Variants in HIP1 observed in about 807,000 individuals in gnomAD.
The protein encoded by HIP1 is huntingtin-interacting protein 1.
Under a neutral mutation model 147.6 loss-of-function variants are expected in HIP1, and 65 were observed. The observed-to-expected ratio is 0.44, with a 90% CI of 0.36 to 0.54. The LOEUF is 0.54. Among genes scored for constraint, HIP1 ranks in the 20% least tolerant of loss-of-function variants. The pLI is 0.00. For synonymous variants in HIP1, 479 were observed against 504.0 expected, an observed-to-expected ratio of 0.95 and a Z score of 0.67; for missense variants, 1,061 against 1,299.6, an observed-to-expected ratio of 0.82 and a Z score of 2.82.
At chr7:75,549,800 T>G (rs11762509) in intron 22 of HIP1, among the ~76,000 whole-genome samples, 132,935 of 150,712 alleles carry the variant, frequency 0.88, 59,326 homozygotes, top group Middle Eastern at 0.96. Context: ...CACCAGAGTA[T>G]CTGGGAGTAC....
chr7:75,639,130 G>T, intron 1 of HIP1: 3 of 984,182 alleles, frequency 3.0e-6, no homozygotes, highest in African/African-American at 1.7e-5. Flanking sequence ...AGCTGCTCCC[G>T]GCTAATCGCG....
At chr7:75,645,190 G>T (rs1798763269) in intron 1 of HIP1, among the ~76,000 whole-genome samples, 1 of 151,868 alleles carries the variant, frequency 6.6e-6, no homozygotes, top group African/African-American at 2.4e-5. Context: ...ACTTTACAAG[G>T]ATTGTTTATT....
At chr7:75,682,369 G>A (rs1046077753) in intron 1 of HIP1, among the ~76,000 whole-genome samples, 9 of 151,398 alleles carry the variant, frequency 5.9e-5, no homozygotes, top group African/African-American at 9.7e-5. Context: ...CGATCCTCCC[G>A]CCTCAGCCTC....
intron 7 of HIP1, among the ~76,000 whole-genome samples, chr7:75,576,049 C>T (rs1156392959): frequency 1.3e-5 from 2 of 152,210 alleles, no homozygotes; most frequent in Non-Finnish European, 2.9e-5. Context: ...GCAGGAACCA[C>T]GGGCTGTTCC....
At chr7:75,542,623 A>C (rs1313905025) in intron 28 of HIP1, among the ~76,000 whole-genome samples, 5 of 151,644 alleles carry the variant, frequency 3.3e-5, no homozygotes, top group African/African-American at 1.2e-4. Flanking sequence ...CGTGTGAACC[A>C]GGGAGGTGGA....
chr7:75,588,907 T>A (rs1159185522), intron 4 of HIP1, among the ~76,000 whole-genome samples: 1 of 151,956 alleles, frequency 6.6e-6, no homozygotes, highest in Non-Finnish European at 1.5e-5. Flanking sequence ...ATCCTAGCAA[T>A]TTGAGAGGCT....
At chr7:75,576,266 A>G (rs1262289855) in intron 7 of HIP1, among the ~76,000 whole-genome samples, 1 of 152,190 alleles carries the variant, frequency 6.6e-6, no homozygotes. Flanking sequence ...AGTGCATGGA[A>G]TTGTGCAGTG....
chr7:75,737,192 C>T (rs2079202), intron 1 of HIP1, among the ~76,000 whole-genome samples: 15,678 of 152,018 alleles, frequency 0.1, 1,074 homozygotes, highest in Middle Eastern at 0.19. Context: ...TCCCAAAGTA[C>T]GGGGATTACA....
intron 1 of HIP1, among the ~76,000 whole-genome samples, chr7:75,670,434 C>G (rs1799698754): frequency 6.6e-6 from 1 of 152,150 alleles, no homozygotes; most frequent in Non-Finnish European, 1.5e-5. Flanking sequence ...GCTGGGATTA[C>G]AGGAGTGGGC....
intron 1 of HIP1, among the ~76,000 whole-genome samples, chr7:75,719,682 A>C (rs1801442181): frequency 6.6e-6 from 1 of 151,964 alleles, no homozygotes; most frequent in Non-Finnish European, 1.5e-5. Flanking sequence ...TGGCCTCCCA[A>C]AGTGCTGGGA....
At chr7:75,549,291 G>T (rs1469936016) in intron 22 of HIP1, among the ~76,000 whole-genome samples, 1 of 151,794 alleles carries the variant, frequency 6.6e-6, no homozygotes, top group African/African-American at 2.4e-5. Context: ...TCCCTTAGTT[G>T]TGCAGTGTCA....
chr7:75,705,303 C>T (rs1246982218), intron 1 of HIP1, among the ~76,000 whole-genome samples: 2 of 151,738 alleles, frequency 1.3e-5, no homozygotes, highest in Admixed American at 6.6e-5. Context: ...CTTATTTTGC[C>T]TAAGATAATG....
At position 75,656,112 on chromosome 7, in the gene HIP1, C is replaced by G. The variant is rs2525464; in HGVS notation, c.121-56865G>C. 8.8e-3 allele frequency among the ~76,000 whole-genome samples: 1,330 copies of G among 151,672 alleles called. 21 individuals carry two copies. The highest frequency in any genetic ancestry group is 0.031 in the African/African-American group (1,262 of 41,318). ...CCAGCCTGGGTGACAGGCAAGACCC[C>G]GTCTCAAAAAGAAAAAAAATAAAAA... is the stretch of plus-strand genomic sequence containing the variant. On this transcript the variant is annotated intron_variant, in intron 1 of 30. Transcript: ENST00000336926.
intron 15 of HIP1, 114 bp downstream of exon 15, chr7:75,558,053 A>G: frequency 1.2e-6 from 1 of 827,194 alleles, no homozygotes; most frequent in Non-Finnish European, 2.0e-6. Flanking sequence ...GATGACGGCA[A>G]TGCCTTAGAG....
intron 2 of HIP1, among the ~76,000 whole-genome samples, chr7:75,595,308 T>C (rs1796698232): frequency 6.9e-6 from 1 of 144,582 alleles, no homozygotes; most frequent in African/African-American, 2.6e-5. Flanking sequence ...CTCTCTCCCT[T>C]CCTTCCTTCC....
At chr7:75,592,652 G>GCTTGGTCCCCTGCAGT in intron 2 of HIP1, 138 bp from the exon 3 acceptor site, 1 of 879,898 alleles carries the variant, frequency 1.1e-6, no homozygotes, top group Non-Finnish European at 1.7e-6. Flanking sequence ...GCCACTGCAG[G>GCTTGGTCCCCTGCAGT]GGACCAAGCC....
At chr7:75,694,353 G>A (rs1442508698) in intron 1 of HIP1, among the ~76,000 whole-genome samples, 5 of 152,092 alleles carry the variant, frequency 3.3e-5, no homozygotes, top group East Asian at 1.9e-4. Context: ...TGCTGGGCAT[G>A]CGTGGTCGGC....
chr7:75,551,950 C>T (rs1454925882), intron 22 of HIP1, among the ~76,000 whole-genome samples: 7 of 151,816 alleles, frequency 4.6e-5, no homozygotes, highest in African/African-American at 1.5e-4. Context: ...AGTGCAAAGG[C>T]ACGATCTTAG....
At chr7:75,597,899 G>A (rs1796808065) in intron 2 of HIP1, among the ~76,000 whole-genome samples, 2 of 152,120 alleles carry the variant, frequency 1.3e-5, no homozygotes, top group African/African-American at 4.8e-5. Context: ...GCAACTCAAA[G>A]GCAGATTCCT....
Sources: allele counts gnomAD v4.1 joint callset (sites outside exome capture counted in the v4.1 genomes callset), GRCh38; gene constraint gnomAD v4.1.1; transcripts MANE v1.5; gene names NCBI Gene and HGNC (gene_info 2026-07-23, HGNC 2026-07-21).